The following THRB variants were observed in gnomAD, a reference collection of about 807,000 sequenced individuals.
THRB encodes thyroid hormone receptor beta.
A neutral mutation model predicts 47.8 loss-of-function variants in THRB; 12 were observed. That is an observed-to-expected ratio of 0.25 (90% confidence interval 0.16 to 0.41). The LOEUF (loss-of-function observed/expected upper bound fraction) is 0.41. THRB is among the 10% of genes least tolerant of loss of function. THRB has a pLI of 1.00. For synonymous variants in THRB, 218 were observed against 212.2 expected (o/e 1.03, Z -0.24); for missense variants, 348 against 589.2 (o/e 0.59, Z 4.24).
chr3:24,415,892 T>C lies in THRB; in HGVS notation c.-260-78521A>G, dbSNP rs368139183. ...CAGTTGATACTTAATAAGTGAACTCTATTGGATTTTGTATGACGGACCCAG... is the reference window on the plus strand; with the variant it reads ...CAGTTGATACTTAATAAGTGAACTCCATTGGATTTTGTATGACGGACCCAG... On this transcript the variant is annotated intron_variant, in intron 1 of 10. Coordinates refer to ENST00000646209, the MANE Select transcript of THRB (RefSeq NM_001354712.2). 5.9e-5 allele frequency among the ~76,000 whole-genome samples: 9 copies of C among 152,006 alleles called. No individual in the cohort carries two copies. In the East Asian group the frequency reaches 7.8e-4, roughly 13 times the overall value.
At chr3:24,290,556 A>G (rs1240516303) in intron 3 of THRB, among the ~76,000 whole-genome samples, 1 of 152,218 alleles carries the variant, frequency 6.6e-6, no homozygotes, top group Non-Finnish European at 1.5e-5. Flanking sequence ...TTTGGTCATT[A>G]AAGTTTTGAT....
chr3:24,394,125 G>A (rs2066779884), intron 1 of THRB, among the ~76,000 whole-genome samples: 1 of 152,106 alleles, frequency 6.6e-6, no homozygotes, highest in East Asian at 1.9e-4. Flanking sequence ...GTGTGGTGGG[G>A]CCAGGATTTG....
chr3:24,401,136 T>C (rs1334624304), intron 1 of THRB, among the ~76,000 whole-genome samples: 1 of 152,054 alleles, frequency 6.6e-6, no homozygotes, highest in Non-Finnish European at 1.5e-5. Context: ...CCCTTTTATA[T>C]AGACTTCAGT....
intron 4 of THRB, among the ~76,000 whole-genome samples, chr3:24,192,351 G>A (rs543953326): frequency 6.6e-6 from 1 of 151,914 alleles, no homozygotes; most frequent in East Asian, 1.9e-4. Flanking sequence ...CTACAGACAT[G>A]AAAATTCTTC....
chr3:24,328,636 GT>G (rs1399118335), intron 2 of THRB, among the ~76,000 whole-genome samples: 1 of 152,122 alleles, frequency 6.6e-6, no homozygotes, highest in African/African-American at 2.4e-5. Context: ...CTACTGTAAT[GT>G]TTCTTGAATA....
intron 2 of THRB, among the ~76,000 whole-genome samples, chr3:24,330,715 C>T (rs1164549658): frequency 2.0e-5 from 3 of 152,180 alleles, no homozygotes; most frequent in Non-Finnish European, 4.4e-5. Flanking sequence ...GGGAAGACAC[C>T]TGGAGTAGCC....
intron 1 of THRB, among the ~76,000 whole-genome samples, chr3:24,448,025 T>A (rs984419780): frequency 7.9e-5 from 12 of 152,084 alleles, no homozygotes; most frequent in African/African-American, 2.9e-4. Flanking sequence ...CCTGTAGCGA[T>A]CTTGTTGGTC....
In THRB at chr3:24,469,912, A is replaced by G. The variant is rs552598283; in HGVS notation, c.-261+24740T>C. On this transcript the variant is annotated intron_variant, in intron 1 of 10. Transcript: ENST00000646209. The stretch of plus-strand genomic sequence containing the variant: ...GAAACAATGGAACAATCTGATGAAG[A>G]CTGACACTTCAAATGAATGAAGTCA... Among the ~76,000 whole-genome samples the G allele has an allele frequency of 4.6e-5, 7 of 152,378 alleles. No homozygotes were observed. The South Asian group carries it at 1.4e-3, about 32-fold the overall frequency.
chr3:24,469,358 T>C (rs1296057272), intron 1 of THRB, among the ~76,000 whole-genome samples: 3 of 152,176 alleles, frequency 2.0e-5, no homozygotes, highest in Non-Finnish European at 2.9e-5. Flanking sequence ...AGGGAGTTGC[T>C]CATATGCACA....
intron 1 of THRB, among the ~76,000 whole-genome samples, chr3:24,421,412 C>A (rs572026794): frequency 6.6e-6 from 1 of 151,494 alleles, no homozygotes; most frequent in African/African-American, 2.4e-5. Context: ...ATAACACTTT[C>A]TTCATAGGGC....
chr3:24,468,393 G>A (rs1258268110), intron 1 of THRB, among the ~76,000 whole-genome samples: 1 of 152,142 alleles, frequency 6.6e-6, no homozygotes, highest in Non-Finnish European at 1.5e-5. Context: ...TGGCTGTTTG[G>A]CACAGGAGGC....
In THRB at chr3:24,204,256, T is replaced by G. The variant is rs147662527; in HGVS notation, c.23-13922A>C. On this transcript the variant is annotated intron_variant, in intron 4 of 10. Coordinates refer to ENST00000646209, the MANE Select transcript of THRB (RefSeq NM_001354712.2). ...AGCCTTACTGCGAGGCACCCCCCAG[T>G]AGGGGCAGACTGACACCTCACATGG... is the stretch of plus-strand genomic sequence containing the variant. Among the ~76,000 whole-genome samples, 292 of 152,278 alleles carry G rather than the reference T, an allele frequency of 1.9e-3. 2 individuals are homozygous for G. The highest frequency in any genetic ancestry group is 6.8e-3 in the African/African-American group (281 of 41,550).
At chr3:24,220,704 C>G (rs1032091709) in intron 4 of THRB, among the ~76,000 whole-genome samples, 8 of 151,376 alleles carry the variant, frequency 5.3e-5, no homozygotes, top group Admixed American at 4.0e-4. Context: ...TTAATTTGGT[C>G]TCAGCTTACT....
chr3:24,212,713 A>G (rs1221397072), intron 4 of THRB, among the ~76,000 whole-genome samples: 2 of 152,044 alleles, frequency 1.3e-5, no homozygotes, highest in Non-Finnish European at 2.9e-5. Flanking sequence ...ACAGAACACA[A>G]CCGTCCATCA....
chr3:24,371,491 T>C (rs1560041530), intron 1 of THRB, among the ~76,000 whole-genome samples: 2 of 152,148 alleles, frequency 1.3e-5, no homozygotes, highest in East Asian at 3.9e-4. Flanking sequence ...ACCATATTAT[T>C]TGGGAAGTTT....
At chr3:24,382,189 AG>A (rs1237780792) in intron 1 of THRB, among the ~76,000 whole-genome samples, 1 of 152,156 alleles carries the variant, frequency 6.6e-6, no homozygotes, top group Non-Finnish European at 1.5e-5. Context: ...TTGGACCTTC[AG>A]ATACAAAATT....
At chr3:24,175,666 C>T (rs190701375) in intron 5 of THRB, among the ~76,000 whole-genome samples, 2 of 152,258 alleles carry the variant, frequency 1.3e-5, no homozygotes, top group African/African-American at 4.8e-5. Flanking sequence ...GATTCAAAAC[C>T]AACCTTAATG....
intron 3 of THRB, among the ~76,000 whole-genome samples, chr3:24,284,879 G>A (rs1331098517): frequency 1.3e-5 from 2 of 152,166 alleles, no homozygotes; most frequent in Non-Finnish European, 2.9e-5. Flanking sequence ...AAACCACAAA[G>A]AGATACCATT....
chr3:24,230,668 T>A (rs552207818), intron 3 of THRB, among the ~76,000 whole-genome samples: 2 of 152,252 alleles, frequency 1.3e-5, no homozygotes, highest in East Asian at 3.9e-4. Context: ...TGTGCTGCCA[T>A]TAACCACCCC....
Sources: allele counts gnomAD v4.1 joint callset (sites outside exome capture counted in the v4.1 genomes callset), GRCh38; gene constraint gnomAD v4.1.1; transcripts MANE v1.5; gene names NCBI Gene and HGNC (gene_info 2026-07-23, HGNC 2026-07-21).